Variants in NKAIN2 observed in about 807,000 individuals in gnomAD.
The protein encoded by NKAIN2 is sodium/potassium-transporting ATPase subunit beta-1-interacting protein 2.
In NKAIN2, 14 loss-of-function variants were observed where a neutral mutation model predicts 32.6. The ratio of observed to expected loss-of-function variants is 0.43; its 90% CI spans 0.28 to 0.67. NKAIN2 has a LOEUF of 0.67. Among genes scored for constraint, NKAIN2 ranks in the 30% least tolerant of loss-of-function variants. The probability of loss-of-function intolerance (pLI) is 0.17; values close to 1 mark genes in which losing one functional copy is unlikely to be tolerated. For missense variants in NKAIN2, 198 were observed against 258.3 expected (o/e 0.77, Z 1.60); for synonymous variants, 80 against 87.2 (o/e 0.92, Z 0.46).
chr6:124,386,267 A>G (rs2114395043), intron 3 of NKAIN2, among the ~76,000 whole-genome samples: 1 of 152,250 alleles, frequency 6.6e-6, no homozygotes, highest in South Asian at 2.1e-4. Flanking sequence ...AAACTTGGCT[A>G]ACTTTCTCAA....
chr6:124,176,003 G>A (rs928680943), intron 1 of NKAIN2, among the ~76,000 whole-genome samples: 7 of 152,034 alleles, frequency 4.6e-5, no homozygotes, highest in African/African-American at 1.7e-4. Flanking sequence ...AGTTTATGCA[G>A]ACTTACCTCA....
intron 3 of NKAIN2, among the ~76,000 whole-genome samples, chr6:124,437,129 C>T (rs1562184012): frequency 6.6e-6 from 1 of 152,216 alleles, no homozygotes; most frequent in Admixed American, 6.5e-5. Flanking sequence ...CTCACCCTTG[C>T]ACTGTCAGTC....
At chr6:123,980,624 G>C (rs1214282331) in intron 1 of NKAIN2, among the ~76,000 whole-genome samples, 1 of 152,158 alleles carries the variant, frequency 6.6e-6, no homozygotes, top group East Asian at 1.9e-4. Context: ...TGTGATTCAG[G>C]CAGCACAGCT....
At chr6:123,999,798 T>TAG (rs1779795354) in intron 1 of NKAIN2, among the ~76,000 whole-genome samples, 1 of 152,064 alleles carries the variant, frequency 6.6e-6, no homozygotes, top group Admixed American at 6.6e-5. Context: ...ATTAGCACAT[T>TAG]AGAGAGAGAA....
intron 1 of NKAIN2, among the ~76,000 whole-genome samples, chr6:124,237,483 G>T (rs544980816): frequency 6.6e-6 from 1 of 152,018 alleles, no homozygotes; most frequent in Admixed American, 6.6e-5. Context: ...GTTTAATTTT[G>T]TTATACAAAG....
At chr6:123,850,157 C>G (rs1189289122) in intron 1 of NKAIN2, among the ~76,000 whole-genome samples, 1 of 151,030 alleles carries the variant, frequency 6.6e-6, no homozygotes, top group African/African-American at 2.4e-5. Flanking sequence ...CACTGATAAT[C>G]CTTTGGGATG....
At chr6:124,032,419 C>A (rs750205430) in intron 1 of NKAIN2, among the ~76,000 whole-genome samples, 30 of 151,884 alleles carry the variant, frequency 2.0e-4, no homozygotes, top group Non-Finnish European at 3.5e-4. Context: ...TTAAAAAAAA[C>A]AGAGTGCTGA....
At chr6:124,494,945 A>G (rs1455925710) in intron 3 of NKAIN2, among the ~76,000 whole-genome samples, 1 of 152,158 alleles carries the variant, frequency 6.6e-6, no homozygotes, top group East Asian at 1.9e-4. Context: ...TGTGAAAAAT[A>G]CTATACTTAG....
chr6:123,847,540 T>C (rs1775142918), intron 1 of NKAIN2, among the ~76,000 whole-genome samples: 5 of 152,170 alleles, frequency 3.3e-5, no homozygotes, highest in Admixed American at 2.6e-4. Context: ...CTACTGCTTA[T>C]TATTATGAAC....
intron 1 of NKAIN2, among the ~76,000 whole-genome samples, chr6:123,911,922 C>T (rs1775233412): frequency 6.7e-6 from 1 of 149,502 alleles, no homozygotes; most frequent in Admixed American, 6.7e-5. Flanking sequence ...ACCAATTTTA[C>T]AGGTATTTTT....
chr6:123,981,478 C>G (rs1424604704), intron 1 of NKAIN2, among the ~76,000 whole-genome samples: 1 of 152,120 alleles, frequency 6.6e-6, no homozygotes, highest in Non-Finnish European at 1.5e-5. Flanking sequence ...TTGCATAGAT[C>G]CCCTGTGAAT....
At chr6:124,065,866 G>C (rs1783147822) in intron 1 of NKAIN2, among the ~76,000 whole-genome samples, 1 of 152,060 alleles carries the variant, frequency 6.6e-6, no homozygotes, top group Admixed American at 6.6e-5. Context: ...AATTAAAACT[G>C]CTTCTGTTGT....
intron 1 of NKAIN2, among the ~76,000 whole-genome samples, chr6:123,825,669 G>A (rs868001666): frequency 1.1e-4 from 17 of 152,150 alleles, no homozygotes; most frequent in Middle Eastern, 3.2e-3. Flanking sequence ...TTTGTTTTGA[G>A]AATCACTGAA....
intron 4 of NKAIN2, among the ~76,000 whole-genome samples, chr6:124,665,333 A>G (rs904630274): frequency 6.6e-6 from 1 of 152,228 alleles, no homozygotes; most frequent in Non-Finnish European, 1.5e-5. Context: ...GGAACAGAAT[A>G]GAGTCCAGAA....
intron 1 of NKAIN2, among the ~76,000 whole-genome samples, chr6:124,059,963 T>C (rs907043158): frequency 6.6e-6 from 1 of 152,216 alleles, no homozygotes; most frequent in African/African-American, 2.4e-5. Flanking sequence ...AGTTTCCTTG[T>C]AGCTTATGCT....
intron 1 of NKAIN2, among the ~76,000 whole-genome samples, chr6:124,174,013 G>A (rs577231709): frequency 6.6e-6 from 1 of 151,990 alleles, no homozygotes. Flanking sequence ...TGTTTATCTG[G>A]CCATTTTGAG....
chr6:124,397,979 C>T (rs1485437047), intron 3 of NKAIN2, among the ~76,000 whole-genome samples: 2 of 151,944 alleles, frequency 1.3e-5, no homozygotes, highest in Non-Finnish European at 2.9e-5. Context: ...CGGGGCCGGG[C>T]GTGGTGGCTC....
intron 3 of NKAIN2, among the ~76,000 whole-genome samples, chr6:124,537,874 T>A (rs2114837485): frequency 6.6e-6 from 1 of 152,342 alleles, no homozygotes; most frequent in East Asian, 1.9e-4. Flanking sequence ...CACTGCTACA[T>A]CTTAAGGGTC....
intron 1 of NKAIN2, among the ~76,000 whole-genome samples, chr6:124,098,654 A>G (rs1159320284): frequency 6.6e-6 from 1 of 152,088 alleles, no homozygotes; most frequent in Admixed American, 6.6e-5. Flanking sequence ...GTGGATCATG[A>G]GGTCAGGAAT....
Sources: gnomAD v4.1 joint callset for allele counts (sites outside exome capture counted in the v4.1 genomes callset) on GRCh38, gnomAD v4.1.1 for gene constraint, MANE v1.5 for transcripts, NCBI Gene and HGNC (gene_info 2026-07-23, HGNC 2026-07-21) for gene names.